CDH13: variants seen among roughly 807,000 people sequenced by gnomAD.
The protein encoded by CDH13 is cadherin-13.
A neutral mutation model predicts 63.8 loss-of-function variants in CDH13; 24 were observed. The ratio of observed to expected loss-of-function variants is 0.38; its 90% CI spans 0.27 to 0.53. CDH13 has a LOEUF of 0.53. CDH13 is among the 20% of genes least tolerant of loss of function. The pLI is 0.85. For synonymous variants in CDH13, 503 were observed against 355.3 expected, an observed-to-expected ratio of 1.42 and a Z score of -4.67; for missense variants, 1,049 against 903.1, an observed-to-expected ratio of 1.16 and a Z score of -2.07.
chr16:82,811,613 A>G (rs1176589759), intron 1 of CDH13, among the ~76,000 whole-genome samples: 2 of 152,190 alleles, frequency 1.3e-5, no homozygotes, highest in South Asian at 2.1e-4. Context: ...CCTCTGAACT[A>G]CAGTGTCCAG....
intron 11 of CDH13, among the ~76,000 whole-genome samples, chr16:83,767,856 G>A (rs543064016): frequency 6.6e-6 from 1 of 152,294 alleles, no homozygotes; most frequent in East Asian, 1.9e-4. Flanking sequence ...TGGGCATGAA[G>A]AGTTAGTACA....
chr16:83,157,728 A>C (rs139174565), intron 4 of CDH13, among the ~76,000 whole-genome samples: 22,447 of 138,688 alleles, frequency 0.16, 2,113 homozygotes, highest in Middle Eastern at 0.28. Flanking sequence ...CCCCGTCTCT[A>C]CTAGAAATAT....
At chr16:82,711,057 C>T (rs2031902539) in intron 1 of CDH13, among the ~76,000 whole-genome samples, 1 of 151,682 alleles carries the variant, frequency 6.6e-6, no homozygotes, top group Admixed American at 6.6e-5. Context: ...AAAGTCTGGG[C>T]CAGTCATTTG....
At chr16:82,780,990 C>A (rs1410184442) in intron 1 of CDH13, among the ~76,000 whole-genome samples, 1 of 152,200 alleles carries the variant, frequency 6.6e-6, no homozygotes, top group African/African-American at 2.4e-5. Context: ...GGTAGCTGTC[C>A]TCTTCTCCTG....
chr16:83,347,600 T>C (rs2090867161), intron 6 of CDH13, among the ~76,000 whole-genome samples: 1 of 152,188 alleles, frequency 6.6e-6, no homozygotes, highest in Non-Finnish European at 1.5e-5. Flanking sequence ...TGATCCCACT[T>C]CCTGCCCTGA....
At chr16:83,506,009 A>T (rs1002510404) in intron 7 of CDH13, among the ~76,000 whole-genome samples, 51 of 152,166 alleles carry the variant, frequency 3.4e-4, no homozygotes, top group African/African-American at 1.2e-3. Context: ...CCAAGTTCAC[A>T]CATTCAGGGA....
intron 1 of CDH13, among the ~76,000 whole-genome samples, chr16:82,743,239 G>C (rs2034013180): frequency 6.6e-6 from 1 of 152,038 alleles, no homozygotes; most frequent in African/African-American, 2.4e-5. Context: ...TATGTTTTTT[G>C]TTTTTGAGAC....
intron 6 of CDH13, among the ~76,000 whole-genome samples, chr16:83,366,897 A>G (rs549154068): frequency 2.0e-5 from 3 of 152,298 alleles, no homozygotes; most frequent in South Asian, 2.1e-4. Flanking sequence ...CATTCAGCCA[A>G]CAGTATGTTT....
At chr16:83,086,915 A>G (rs2033629719) in intron 3 of CDH13, among the ~76,000 whole-genome samples, 1 of 152,248 alleles carries the variant, frequency 6.6e-6, no homozygotes. Flanking sequence ...AAATAAAATT[A>G]TAATGGCCAA....
chr16:83,403,505 C>T (rs1384208290), intron 6 of CDH13, among the ~76,000 whole-genome samples: 1 of 152,062 alleles, frequency 6.6e-6, no homozygotes, highest in Non-Finnish European at 1.5e-5. Context: ...CGCCTGTAGT[C>T]CCAGCCACTC....
rs988371071 is a variant in CDH13, at chr16:83,634,822, T to C, written c.1101+32228T>C. 2.0e-5 allele frequency among the ~76,000 whole-genome samples: 3 copies of C among 152,244 alleles called. No individual in the cohort carries two copies. In the South Asian group the frequency reaches 6.2e-4, roughly 31 times the overall value. On this transcript the variant is annotated intron_variant, in intron 8 of 13. Coordinates refer to ENST00000567109, the MANE Select transcript of CDH13 (RefSeq NM_001257.5). ...CCATGGTATGGTATGCCAGAGTTCG[T>C]TGAACCATTCACCCACTGAAGGACA...
intron 11 of CDH13, among the ~76,000 whole-genome samples, chr16:83,768,637 G>T (rs1430458135): frequency 6.6e-6 from 1 of 152,168 alleles, no homozygotes; most frequent in Non-Finnish European, 1.5e-5. Context: ...GCTGCTGGTT[G>T]CCCATGTTTA....
chr16:82,793,940 A>C (rs1456658472), intron 1 of CDH13, among the ~76,000 whole-genome samples: 1 of 152,104 alleles, frequency 6.6e-6, no homozygotes, highest in Non-Finnish European at 1.5e-5. Context: ...GGATCAGGAA[A>C]GGCCAGGCTT....
At chr16:82,690,319 A>G (rs1251797975) in intron 1 of CDH13, among the ~76,000 whole-genome samples, 1 of 152,194 alleles carries the variant, frequency 6.6e-6, no homozygotes, top group African/African-American at 2.4e-5. Flanking sequence ...TGTCAACCCT[A>G]AAGCATTGCT....
chr16:83,103,829 C>T (rs539132948), intron 3 of CDH13, among the ~76,000 whole-genome samples: 1 of 152,288 alleles, frequency 6.6e-6, no homozygotes, highest in Non-Finnish European at 1.5e-5. Context: ...AGTAAGTGCT[C>T]TGTCATTTTC....
intron 3 of CDH13, among the ~76,000 whole-genome samples, chr16:83,091,964 G>A (rs1490314567): frequency 6.6e-6 from 1 of 152,154 alleles, no homozygotes; most frequent in African/African-American, 2.4e-5. Flanking sequence ...ATTCTAGTAA[G>A]TTCAGAGAAT....
At chr16:83,478,893 A>G (rs775672479) in intron 6 of CDH13, among the ~76,000 whole-genome samples, 2 of 152,188 alleles carry the variant, frequency 1.3e-5, no homozygotes, top group Non-Finnish European at 2.9e-5. Context: ...GTGGCCTCCA[A>G]TTGGACATCC....
intron 6 of CDH13, among the ~76,000 whole-genome samples, chr16:83,347,325 C>A (rs990800442): frequency 4.7e-5 from 7 of 150,338 alleles, no homozygotes; most frequent in African/African-American, 1.7e-4. Flanking sequence ...TTATTCGACA[C>A]CCACTGGGAG....
intron 5 of CDH13, among the ~76,000 whole-genome samples, chr16:83,338,838 A>G (rs1442189308): frequency 6.6e-6 from 1 of 152,242 alleles, no homozygotes; most frequent in Non-Finnish European, 1.5e-5. Context: ...TCCTTGTAAC[A>G]TGAAATGAGT....
Sources: gnomAD v4.1 joint callset for allele counts (sites outside exome capture counted in the v4.1 genomes callset) on GRCh38, gnomAD v4.1.1 for gene constraint, MANE v1.5 for transcripts, NCBI Gene and HGNC (gene_info 2026-07-23, HGNC 2026-07-21) for gene names.